The following KIAA0232 variants were observed in gnomAD, a reference collection of about 807,000 sequenced individuals.
KIAA0232 encodes uncharacterized protein KIAA0232.
In KIAA0232, 27 loss-of-function variants were observed where a neutral mutation model predicts 122.0. The observed-to-expected ratio is 0.22, with a 90% CI of 0.16 to 0.31. The LOEUF is 0.31. KIAA0232 is among the 10% of genes least tolerant of loss of function. KIAA0232 has a pLI of 1.00. For missense variants in KIAA0232, 1,551 were observed against 1,634.2 expected, an observed-to-expected ratio of 0.95 and a Z score of 0.88; for synonymous variants, 613 against 587.6, an observed-to-expected ratio of 1.04 and a Z score of -0.63.
chr4:6,849,147 A>G (rs1049499389), intron 4 of KIAA0232, among the ~76,000 whole-genome samples: 2 of 152,180 alleles, frequency 1.3e-5, no homozygotes, highest in Non-Finnish European at 2.9e-5. Flanking sequence ...GCTGTGCTGG[A>G]GGGACAGAGG....
At chr4:6,792,115 C>G (rs1560159415) in intron 1 of KIAA0232, among the ~76,000 whole-genome samples, 1 of 152,174 alleles carries the variant, frequency 6.6e-6, no homozygotes, top group Non-Finnish European at 1.5e-5. Context: ...AAACCTCTTT[C>G]CTTTCTAAAT....
intron 3 of KIAA0232, among the ~76,000 whole-genome samples, chr4:6,835,118 T>C (rs1577383253): frequency 6.6e-6 from 1 of 152,090 alleles, no homozygotes; most frequent in Admixed American, 6.6e-5. Context: ...TCTTGGCAGG[T>C]GTGCTAGAGG....
intron 2 of KIAA0232, among the ~76,000 whole-genome samples, chr4:6,815,599 A>G (rs1718082487): frequency 6.6e-6 from 1 of 152,192 alleles, no homozygotes; most frequent in African/African-American, 2.4e-5. Context: ...CTTCTGTCTA[A>G]AAACCCCAGT....
intron 1 of KIAA0232, among the ~76,000 whole-genome samples, chr4:6,795,630 T>C (rs1227182086): frequency 6.6e-6 from 1 of 152,246 alleles, no homozygotes. Flanking sequence ...GACATCACTG[T>C]CACCTAGGCT....
chr4:6,883,638 A>T lies in KIAA0232; in HGVS notation c.*2672A>T, dbSNP rs1226824906. On this transcript the variant is annotated 3_prime_UTR_variant, in exon 10 of 10. Transcript: ENST00000307659. The stretch of plus-strand genomic sequence containing the variant: ...TACCTGAGTCTGCAAAACACATAGC[A>T]TTTTTGTCCGTGGATGGTACACAAA... 1 of 152,132 alleles carries T rather than the reference A, an allele frequency of 6.6e-6. No individual in the cohort carries two copies. Among genetic ancestry groups the T allele is most frequent in the East Asian group, 1.9e-4 (1 of 5,198 alleles). 9.4% of individuals were successfully genotyped at this position (152,132 alleles called of 1,614,324 possible). A position where few individuals can be genotyped will look rare whatever the true frequency, so the allele number is the denominator to read the frequency against.
chr4:6,879,572 G>A (rs928851292), intron 9 of KIAA0232, among the ~76,000 whole-genome samples: 13 of 152,324 alleles, frequency 8.5e-5, no homozygotes, highest in Admixed American at 4.6e-4. Context: ...TCAACCAGGG[G>A]CAATGCTGCC....
intron 1 of KIAA0232, among the ~76,000 whole-genome samples, chr4:6,795,512 G>C (rs1276249398): frequency 6.6e-6 from 1 of 152,154 alleles, no homozygotes; most frequent in Non-Finnish European, 1.5e-5. Context: ...TATTTGGAGT[G>C]ATATTATTTT....
At chr4:6,795,363 C>T (rs1052065663) in intron 1 of KIAA0232, among the ~76,000 whole-genome samples, 4 of 152,178 alleles carry the variant, frequency 2.6e-5, no homozygotes, top group Non-Finnish European at 5.9e-5. Flanking sequence ...TGAGCCACCG[C>T]GCCCGGCCCA....
In KIAA0232 at chr4:6,867,474, G is replaced by A. The variant is rs962663463; in HGVS notation, c.3801+3291G>A. Among the ~76,000 whole-genome samples, 5 of 152,260 alleles carry A rather than the reference G, an allele frequency of 3.3e-5. No individual in the cohort carries two copies. The East Asian group carries it at 9.6e-4, about 29-fold the overall frequency. On this transcript the variant is annotated intron_variant, in intron 7 of 9. Coordinates refer to ENST00000307659, the MANE Select transcript of KIAA0232 (RefSeq NM_014743.3). The stretch of plus-strand genomic sequence containing the variant: ...TTAAGAGTAGCACAGATGAAGCACA[G>A]TGTGCCTTGGTATCTGGACATACAT...
chr4:6,864,977 C>T (rs1182139532), intron 7 of KIAA0232, among the ~76,000 whole-genome samples: 2 of 152,176 alleles, frequency 1.3e-5, no homozygotes, highest in Non-Finnish European at 2.9e-5. Context: ...AATTCACCCA[C>T]AGCCCAAATG....
rs1717972228 is a variant in KIAA0232, at chr4:6,813,506, GTGCC to G, written c.-270+8905_-270+8908del. ...GCCTCCCGAGTAGCTGGGACTACAG[GTGCC>G]TGCCACCACGCCCGGCTAACTTTTT... On this transcript the variant is annotated intron_variant, in intron 2 of 9. Coordinates refer to ENST00000307659, the MANE Select transcript of KIAA0232 (RefSeq NM_014743.3). 2.6e-5 allele frequency among the ~76,000 whole-genome samples: 4 copies of G among 152,154 alleles called. No individual in the cohort carries two copies. The South Asian group carries it at 8.4e-4, about 32-fold the overall frequency.
At chr4:6,874,234 C>T (rs1043343942) in intron 8 of KIAA0232, among the ~76,000 whole-genome samples, 2 of 152,320 alleles carry the variant, frequency 1.3e-5, no homozygotes, top group Admixed American at 6.5e-5. Flanking sequence ...GCAAACAGAT[C>T]GTGTCCCTGT....
intron 2 of KIAA0232, among the ~76,000 whole-genome samples, chr4:6,805,462 G>A (rs1424789049): frequency 3.3e-5 from 5 of 152,074 alleles, no homozygotes; most frequent in African/African-American, 2.4e-5. Context: ...ACCTAAGTCC[G>A]TTTTGGAGAA....
At chr4:6,832,717 A>G (rs944081543) in intron 3 of KIAA0232, among the ~76,000 whole-genome samples, 4 of 152,268 alleles carry the variant, frequency 2.6e-5, no homozygotes, top group African/African-American at 7.2e-5. Flanking sequence ...CCTGGAATAT[A>G]CAAGAGGCTC....
intron 4 of KIAA0232, among the ~76,000 whole-genome samples, chr4:6,852,386 A>G (rs1408953328): frequency 6.6e-6 from 1 of 152,168 alleles, no homozygotes; most frequent in Non-Finnish European, 1.5e-5. Flanking sequence ...CATTAATTTA[A>G]TTCTAAATTT....
chr4:6,792,846 C>T (rs779590994), intron 1 of KIAA0232, among the ~76,000 whole-genome samples: 7 of 151,972 alleles, frequency 4.6e-5, no homozygotes, highest in Non-Finnish European at 7.4e-5. Flanking sequence ...CCCACCACCA[C>T]GCCCGGCTAA....
At chr4:6,810,230 G>A (rs929311846) in intron 2 of KIAA0232, among the ~76,000 whole-genome samples, 1 of 152,112 alleles carries the variant, frequency 6.6e-6, no homozygotes, top group Non-Finnish European at 1.5e-5. Context: ...AAAAATAGAT[G>A]TATAGACAAT....
intron 8 of KIAA0232, among the ~76,000 whole-genome samples, chr4:6,872,254 A>G (rs1054396626): frequency 6.6e-6 from 1 of 152,252 alleles, no homozygotes; most frequent in Non-Finnish European, 1.5e-5. Context: ...GCTATTGGCC[A>G]GGGTTTTAAG....
chr4:6,866,166 G>A (rs1721171600), intron 7 of KIAA0232: 1 of 911,022 alleles, frequency 1.1e-6, no homozygotes. Context: ...ATTCCTTTAT[G>A]TACTTTGTAT....
Sources: allele counts gnomAD v4.1 joint callset (sites outside exome capture counted in the v4.1 genomes callset), GRCh38; gene constraint gnomAD v4.1.1; transcripts MANE v1.5; gene names NCBI Gene and HGNC (gene_info 2026-07-23, HGNC 2026-07-21).